The following RAB44 variants were observed in gnomAD, a reference collection of about 807,000 sequenced individuals.
The protein encoded by RAB44 is ras-related protein Rab-44.
A neutral mutation model predicts 93.3 loss-of-function variants in RAB44; 67 were observed. The observed-to-expected ratio is 0.72, with a 90% confidence interval of 0.59 to 0.88. RAB44 has a LOEUF of 0.88. RAB44 is among the 40% of genes least tolerant of loss of function. The pLI, the probability that RAB44 is intolerant of heterozygous loss-of-function variation, is 0.00. For synonymous variants in RAB44, 427 were observed against 520.3 expected (o/e 0.82, Z 2.44); for missense variants, 1,064 against 1,261.7 (o/e 0.84, Z 2.37).
Position 36,717,782 on chromosome 6 carries a change from G to T in RAB44, c.642-246G>T, listed in dbSNP as rs71569343. ...GGGTGATGGGGACAATGAGACCCTG[G>T]CCAGGGGAACTGGTGACGGTTACAA... is the stretch of plus-strand genomic sequence containing the variant. On this transcript the variant is annotated intron_variant, in intron 5 of 13. Transcript: ENST00000612677. The surrounding 1 kb of genome is among the most constrained non-coding windows in gnomAD (Gnocchi z 4.1). Among the ~76,000 whole-genome samples, 2,494 of 87,808 alleles carry T rather than the reference G, an allele frequency of 0.028. 42 individuals are homozygous for T. Among genetic ancestry groups the T allele is most frequent in the Non-Finnish European group, 0.052 (1,745 of 33,540 alleles). The allele number at this position is 87,808 out of a possible 152,430, so 57.6% of individuals were successfully genotyped here. A position where few individuals can be genotyped will look rare whatever the true frequency, so the allele number is the denominator to read the frequency against.
At position 36,713,313 on chromosome 6, in the gene RAB44, A is replaced by G. The variant is rs544337880; in HGVS notation, c.208-515A>G. Among the ~76,000 whole-genome samples the G allele has an allele frequency of 5.3e-5, 8 of 152,258 alleles. No homozygotes were observed. The South Asian group carries it at 1.7e-3, about 32-fold the overall frequency. On this transcript the variant is annotated intron_variant, in intron 2 of 13. Transcript: ENST00000612677. ...TGGGTTCAAGTGATTCTCCTGCCTC[A>G]GTCTCCCAAGTAGCTGGGACTACAG...
rs1270886216 is a variant in RAB44, at chr6:36,715,641, A to T, written c.482A>T (p.His161Leu). The T allele has an allele frequency of 2.0e-6, 3 of 1,536,046 alleles. 1 individual carries two copies. The highest frequency in any genetic ancestry group is 2.6e-6 in the Non-Finnish European group (3 of 1,146,858). Residue 161 changes from histidine to leucine, a missense_variant, in exon 4 of 14, where the codon CAC becomes CTC. Physicochemically the swap from His to Leu is moderately conservative, Grantham distance 99. Transcript: ENST00000612677. ...LAFMEQLGTG[H>L]LLPKQMEIWQ... Reference sequence around the variant, plus strand: ...TTCATGGAGCAGCTGGGGACTGGACACTTACTTCCCAAGTAAGGCCAGGGC... The same window carrying T: ...TTCATGGAGCAGCTGGGGACTGGACTCTTACTTCCCAAGTAAGGCCAGGGC...
Position 36,730,695 on chromosome 6 carries a change from A to G in RAB44, c.2921A>G (p.Glu974Gly). ...LAQELGVYFG[E>G]CSAALGHNIL... ...CAGGAACTGGGGGTCTATTTTGGGG[A>G]GTGCAGTGCCGCCTTGGGTCACAAC... The change falls in exon 13 of 14, where the codon GAG (glutamate) becomes GGG (glycine). Residue 974 changes from glutamate (E) to glycine (G), a missense_variant. Physicochemically the swap from Glu to Gly is moderately conservative, Grantham distance 98. Transcript: ENST00000612677. 8.1e-7 allele frequency: 1 copy of G among 1,233,952 alleles called. No individual in the cohort carries two copies. Among genetic ancestry groups the G allele is most frequent in the Non-Finnish European group, 1.0e-6 (1 of 988,168 alleles). The allele number at this position is 1,233,952 out of a possible 1,614,324, so 76.4% of individuals were successfully genotyped here.
chr6:36,704,650 T>C (rs554636143), intron 2 of RAB44, among the ~76,000 whole-genome samples: 1 of 152,248 alleles, frequency 6.6e-6, no homozygotes, highest in Non-Finnish European at 1.5e-5. Context: ...CATTTGTCAT[T>C]TAACCAGCGA....
intron 2 of RAB44, among the ~76,000 whole-genome samples, chr6:36,709,608 T>A (rs927444729): frequency 1.3e-5 from 2 of 152,218 alleles, no homozygotes; most frequent in East Asian, 3.8e-4. Flanking sequence ...CGGGCTGTAG[T>A]GCAGTGGCGC....
At chr6:36,729,490 T>C (rs986370720) in intron 12 of RAB44, among the ~76,000 whole-genome samples, 5 of 151,080 alleles carry the variant, frequency 3.3e-5, no homozygotes, top group East Asian at 1.9e-4. Context: ...TTCTTTCTTT[T>C]TTTTTTTTTT....
rs368229294 is a variant in RAB44 at position 36,719,240 on chromosome 6, C to T, written c.828+652C>T. The stretch of plus-strand genomic sequence containing the variant: ...GTAACCAGGACAAGAAGCATCCCTT[C>T]AGCCCGGGACAAGATTCCTCGAGCC... On this transcript the variant is annotated intron_variant, in intron 7 of 13. Coordinates refer to ENST00000612677, the MANE Select transcript of RAB44 (RefSeq NM_001257357.2). Among the ~76,000 whole-genome samples the T allele has an allele frequency of 2.0e-5, 3 of 152,328 alleles. No homozygotes were observed. The East Asian group carries it at 5.8e-4, about 29-fold the overall frequency.
rs142021098 is a variant in RAB44 at position 36,706,943 on chromosome 6, C to A, written c.207+2501C>A. On this transcript the variant is annotated intron_variant, in intron 2 of 13. Coordinates refer to ENST00000612677, the MANE Select transcript of RAB44 (RefSeq NM_001257357.2). ...GGGTTGCGGGTTTCTCCATGTTGCCCGGGCTTAAAATTATTGGTTTCTGAA... is the reference window on the plus strand; with the variant it reads ...GGGTTGCGGGTTTCTCCATGTTGCCAGGGCTTAAAATTATTGGTTTCTGAA... Among the ~76,000 whole-genome samples the A allele has an allele frequency of 3.3e-5, 5 of 152,046 alleles. No individual in the cohort carries two copies. In the South Asian group the frequency reaches 1.0e-3, roughly 32 times the overall value.
intron 3 of RAB44, among the ~76,000 whole-genome samples, chr6:36,714,258 A>T (rs116239549): frequency 0.016 from 2,508 of 152,326 alleles, 90 homozygotes; most frequent in African/African-American, 0.056. Flanking sequence ...TCCATGGGCC[A>T]GGGAGCAGCA....
intron 1 of RAB44, among the ~76,000 whole-genome samples, chr6:36,698,299 C>A (rs975748626): frequency 6.6e-5 from 10 of 152,182 alleles, no homozygotes; most frequent in African/African-American, 2.4e-4. Flanking sequence ...GCTATTGAAG[C>A]CAGCCAAGTG....
intron 2 of RAB44, among the ~76,000 whole-genome samples, chr6:36,713,079 G>T (rs1157424755): frequency 6.6e-6 from 1 of 152,108 alleles, no homozygotes; most frequent in African/African-American, 2.4e-5. Flanking sequence ...GAGCCCACTG[G>T]GCCATCTCCT....
chr6:36,725,075 C>T (rs190092077), intron 9 of RAB44, among the ~76,000 whole-genome samples: 1 of 152,226 alleles, frequency 6.6e-6, no homozygotes, highest in Non-Finnish European at 1.5e-5. Flanking sequence ...GCTGGGCCCC[C>T]AAAGTTAAGG....
intron 9 of RAB44, among the ~76,000 whole-genome samples, chr6:36,724,199 G>A (rs1005550066): frequency 3.3e-5 from 5 of 150,152 alleles, no homozygotes; most frequent in African/African-American, 1.2e-4. Flanking sequence ...ATGGAGTCTC[G>A]CCCTGTCACC....
chr6:36,715,428 C>T (rs937653336), intron 3 of RAB44, 51 bp from the exon 4 acceptor site: 8 of 1,510,486 alleles, frequency 5.3e-6, no homozygotes, highest in African/African-American at 1.4e-5. Context: ...GGAGGCCAGG[C>T]GTCTGGGCCC....
chr6:36,705,570 A>G (rs1397011448), intron 2 of RAB44, among the ~76,000 whole-genome samples: 2 of 152,154 alleles, frequency 1.3e-5, no homozygotes, highest in South Asian at 2.1e-4. Flanking sequence ...TTTAGTAGAG[A>G]CGGGGTTTCA....
intron 2 of RAB44, among the ~76,000 whole-genome samples, chr6:36,709,469 C>T (rs968173346): frequency 1.1e-4 from 16 of 152,154 alleles, no homozygotes; most frequent in Non-Finnish European, 1.8e-4. Context: ...ACAGTGCATC[C>T]CATTTTCCTT....
intron 10 of RAB44, among the ~76,000 whole-genome samples, chr6:36,726,349 G>A (rs766070434): frequency 2.6e-5 from 4 of 152,162 alleles, no homozygotes; most frequent in East Asian, 1.9e-4. Flanking sequence ...GGGTTCAAGC[G>A]ATTCTCCTGC....
rs1178112905 is a variant in RAB44 at position 36,717,366 on chromosome 6, C to T, written c.588C>T (p.Ser196=). The change falls in exon 5 of 14, where the codon AGC becomes AGT. Residue 196 remains serine, a synonymous_variant. Transcript: ENST00000612677. This position sits in a 1 kb window ranked among gnomAD's most constrained non-coding sequence, Gnocchi z 4.1. ...NLAGFLAKMT[S]RLQEAQADKE... ...CAGGCTTTCTGGCCAAGATGACCAGCCGCCTGCAGGAGGCCCAGGCGGACA... is the reference window on the plus strand; with the variant it reads ...CAGGCTTTCTGGCCAAGATGACCAGTCGCCTGCAGGAGGCCCAGGCGGACA... 1 of 1,232,204 alleles carries T rather than the reference C, an allele frequency of 8.1e-7. No individual in the cohort carries two copies. Among genetic ancestry groups the T allele is most frequent in the East Asian group, 3.2e-5 (1 of 31,714 alleles). 76.3% of individuals were successfully genotyped at this position (1,232,204 alleles called of 1,614,324 possible).
chr6:36,732,170 A>G lies in RAB44; in HGVS notation c.*77A>G, dbSNP rs1763378080. 6.3e-6 allele frequency: 6 copies of G among 956,170 alleles called. No homozygotes were observed. Among genetic ancestry groups the G allele is most frequent in the Non-Finnish European group, 8.2e-6 (6 of 734,942 alleles). The allele number at this position is 956,170 out of a possible 1,614,324, so 59.2% of individuals were successfully genotyped here. ...CAGCTCCTGTCCTTTGTTCCTGGAC[A>G]GCAACGACACAGAGGACCAGCTTGG... On this transcript the variant is annotated 3_prime_UTR_variant, in exon 14 of 14. Coordinates refer to ENST00000612677, the MANE Select transcript of RAB44 (RefSeq NM_001257357.2).
Sources: gnomAD v4.1 joint callset for allele counts (sites outside exome capture counted in the v4.1 genomes callset) on GRCh38, gnomAD v4.1.1 for gene constraint, Gnocchi (gnomAD v3.1) non-coding constraint, MANE v1.5 for transcripts, NCBI Gene and HGNC (gene_info 2026-07-23, HGNC 2026-07-21) for gene names.